MGMT: variants seen among roughly 807,000 people sequenced by gnomAD.
MGMT encodes O-6-methylguanine-DNA methyltransferase.
In MGMT, 14 loss-of-function variants were observed where a neutral mutation model predicts 15.9. The observed-to-expected ratio is 0.88, with a 90% CI of 0.58 to 1.37. MGMT has a LOEUF of 1.37. MGMT is among the 40% of genes most tolerant of loss of function. MGMT has a pLI of 0.00. For missense variants in MGMT, 282 were observed against 268.1 expected (o/e 1.05, Z -0.36); for synonymous variants, 130 against 118.2 (o/e 1.10, Z -0.65).
chr10:129,648,476 G>A lies in MGMT; in HGVS notation c.126-59419G>A, dbSNP rs1036728488. Among the ~76,000 whole-genome samples the A allele has an allele frequency of 1.1e-4, 17 of 152,086 alleles. 1 individual carries two copies. Among genetic ancestry groups the A allele is most frequent in the East Asian group, 3.9e-4 (2 of 5,170 alleles). On this transcript the variant is annotated intron_variant, in intron 2 of 4. Coordinates refer to ENST00000651593, the MANE Select transcript of MGMT (RefSeq NM_002412.5). ...GAAAGTAATTTCCTTTCTTGCTTAA[G>A]TTGTGCTCAGAACCAGATTCATAAA...
intron 3 of MGMT, among the ~76,000 whole-genome samples, chr10:129,740,208 C>T (rs983546221): frequency 2.0e-5 from 3 of 152,160 alleles, no homozygotes; most frequent in Non-Finnish European, 2.9e-5. Context: ...TCCAAGTGGG[C>T]TCTCATTGAC....
chr10:129,730,191 C>T (rs1201358496), intron 3 of MGMT, among the ~76,000 whole-genome samples: 3 of 152,206 alleles, frequency 2.0e-5, no homozygotes, highest in South Asian at 2.1e-4. Flanking sequence ...GAGGTCAGTG[C>T]GTTTTTAGCA....
At chr10:129,618,304 T>A (rs1176755684) in intron 2 of MGMT, among the ~76,000 whole-genome samples, 1 of 152,106 alleles carries the variant, frequency 6.6e-6, no homozygotes, top group East Asian at 1.9e-4. Context: ...ATAGATGTTG[T>A]ACCTTTTGAC....
intron 3 of MGMT, among the ~76,000 whole-genome samples, chr10:129,713,411 C>G (rs1848255395): frequency 6.6e-6 from 1 of 152,158 alleles, no homozygotes; most frequent in Non-Finnish European, 1.5e-5. Flanking sequence ...ATGTGGAAAT[C>G]AAGATCTGTG....
intron 2 of MGMT, among the ~76,000 whole-genome samples, chr10:129,630,059 A>G (rs1847192782): frequency 6.6e-6 from 1 of 152,200 alleles, no homozygotes; most frequent in African/African-American, 2.4e-5. Flanking sequence ...GGGCCTGGAC[A>G]GTTGTTCTGC....
At position 129,566,417 on chromosome 10, in the gene MGMT, G is replaced by A. The variant is rs903437428; in HGVS notation, c.125+30040G>A. ...CTGATGTGGCCTTAGTGCTCTGGGCGGATGTACCTTGGCTCTGCCTGGACC... is the reference window on the plus strand; with the variant it reads ...CTGATGTGGCCTTAGTGCTCTGGGCAGATGTACCTTGGCTCTGCCTGGACC... On this transcript the variant is annotated intron_variant, in intron 2 of 4. Coordinates refer to ENST00000651593, the MANE Select transcript of MGMT (RefSeq NM_002412.5). The surrounding 1 kb of genome is among the most constrained non-coding windows in gnomAD (Gnocchi z 4.1). 6.6e-6 allele frequency among the ~76,000 whole-genome samples: 1 copy of A among 152,118 alleles called. No individual in the cohort carries two copies. Among genetic ancestry groups the A allele is most frequent in the Non-Finnish European group, 1.5e-5 (1 of 68,022 alleles).
intron 2 of MGMT, among the ~76,000 whole-genome samples, chr10:129,694,878 G>A (rs969607065): frequency 2.0e-5 from 3 of 152,146 alleles, no homozygotes; most frequent in Admixed American, 6.5e-5. Context: ...CAGTGCCAGC[G>A]ACGACACTTG....
intron 2 of MGMT, among the ~76,000 whole-genome samples, chr10:129,539,497 C>G (rs749230602): frequency 5.9e-5 from 9 of 151,926 alleles, no homozygotes; most frequent in Non-Finnish European, 1.3e-4. Flanking sequence ...CTTTGTGATA[C>G]ATCTTTTGTT....
intron 2 of MGMT, among the ~76,000 whole-genome samples, chr10:129,580,926 A>G (rs574831): frequency 0.44 from 67,461 of 152,098 alleles, 15,728 homozygotes; most frequent in East Asian, 0.63. Context: ...TGAGAAATGC[A>G]TCCTTACACG....
chr10:129,515,748 A>G (rs12262890), intron 1 of MGMT, among the ~76,000 whole-genome samples: 23,755 of 152,082 alleles, frequency 0.16, 2,589 homozygotes, highest in African/African-American at 0.3. Context: ...GCCTGCATAC[A>G]GGTGGGCCTG....
At chr10:129,660,767 C>T (rs868085769) in intron 2 of MGMT, among the ~76,000 whole-genome samples, 9 of 131,588 alleles carry the variant, frequency 6.8e-5, no homozygotes, top group Non-Finnish European at 1.1e-4. Context: ...GGAAGATCCC[C>T]CACCCCCAAC....
chr10:129,635,021 A>G (rs893112742), intron 2 of MGMT, among the ~76,000 whole-genome samples: 9 of 152,240 alleles, frequency 5.9e-5, no homozygotes, highest in African/African-American at 2.2e-4. Flanking sequence ...TGCTTTTAAG[A>G]TTCGTTAGGT....
intron 2 of MGMT, among the ~76,000 whole-genome samples, chr10:129,617,534 A>G (rs1847041324): frequency 6.6e-6 from 1 of 152,132 alleles, no homozygotes; most frequent in East Asian, 1.9e-4. Context: ...GAACTAATTT[A>G]CATTCCCACC....
chr10:129,743,482 A>G (rs1848661501), intron 3 of MGMT, among the ~76,000 whole-genome samples: 1 of 152,144 alleles, frequency 6.6e-6, no homozygotes, highest in African/African-American at 2.4e-5. Flanking sequence ...TCGTGGCCTC[A>G]CCGGCCCACA....
chr10:129,687,774 T>C (rs913536487), intron 2 of MGMT, among the ~76,000 whole-genome samples: 1 of 151,900 alleles, frequency 6.6e-6, no homozygotes, highest in South Asian at 2.1e-4. Context: ...TGTATACATG[T>C]GCCATGTTGG....
intron 2 of MGMT, among the ~76,000 whole-genome samples, chr10:129,591,505 C>T (rs1181403528): frequency 2.0e-5 from 3 of 152,194 alleles, no homozygotes; most frequent in African/African-American, 4.8e-5. Flanking sequence ...CAAGACCTCG[C>T]GTGTCCAAGA....
Position 129,745,599 on chromosome 10 carries a change from T to C in MGMT, c.275-13603T>C, listed in dbSNP as rs559224281. 3.1e-4 allele frequency among the ~76,000 whole-genome samples: 47 copies of C among 152,382 alleles called. No individual in the cohort carries two copies. In the East Asian group the frequency reaches 8.3e-3, roughly 27 times the overall value. On this transcript the variant is annotated intron_variant, in intron 3 of 4. Transcript: ENST00000651593. Reference sequence around the variant, plus strand: ...CAGCTTATTCATTTTTCTTGCTGAGTGTACGCTACCGTGTGGGTATATCTC... The same window carrying C: ...CAGCTTATTCATTTTTCTTGCTGAGCGTACGCTACCGTGTGGGTATATCTC...
At chr10:129,586,945 C>T (rs1205852489) in intron 2 of MGMT, among the ~76,000 whole-genome samples, 4 of 152,184 alleles carry the variant, frequency 2.6e-5, no homozygotes, top group East Asian at 1.9e-4. Flanking sequence ...GATGGTGATA[C>T]TGTCTTTTAG....
rs548054549 is a variant in MGMT at position 129,662,390 on chromosome 10, C to T, written c.126-45505C>T. Among the ~76,000 whole-genome samples the T allele has an allele frequency of 2.5e-3, 381 of 152,276 alleles. 1 individual carries two copies. The highest frequency in any genetic ancestry group is 8.6e-3 in the African/African-American group (357 of 41,548). ...GGACACGGAACTTTCCGTTTTAACA[C>T]TGGGAAAATCCTGGGTAAACTGCTG... On this transcript the variant is annotated intron_variant, in intron 2 of 4. Coordinates refer to ENST00000651593, the MANE Select transcript of MGMT (RefSeq NM_002412.5).
Sources: gnomAD v4.1 joint callset for allele counts (sites outside exome capture counted in the v4.1 genomes callset) on GRCh38, gnomAD v4.1.1 for gene constraint, Gnocchi (gnomAD v3.1) non-coding constraint, MANE v1.5 for transcripts, NCBI Gene and HGNC (gene_info 2026-07-23, HGNC 2026-07-21) for gene names.